The following KCNH5 variants were observed in gnomAD, a reference collection of about 807,000 sequenced individuals.
KCNH5 encodes the protein voltage-gated delayed rectifier potassium channel KCNH5.
KCNH5 carries 46 observed loss-of-function variants against 96.1 expected under a neutral mutation model. The ratio of observed to expected loss-of-function variants is 0.48; its 90% CI spans 0.38 to 0.61. KCNH5 has a LOEUF of 0.61. Among genes scored for constraint, KCNH5 ranks in the 20% least tolerant of loss-of-function variants. The pLI is 0.00. For synonymous variants in KCNH5, 439 were observed against 449.8 expected, an observed-to-expected ratio of 0.98 and a Z score of 0.30; for missense variants, 907 against 1,225.8, an observed-to-expected ratio of 0.74 and a Z score of 3.88.
chr14:62,858,373 T>A (rs1270250493), intron 7 of KCNH5, among the ~76,000 whole-genome samples: 1 of 152,212 alleles, frequency 6.6e-6, no homozygotes, highest in Non-Finnish European at 1.5e-5. Flanking sequence ...TTGACCTTAA[T>A]CACAGGGCAT....
intron 8 of KCNH5, among the ~76,000 whole-genome samples, chr14:62,804,519 G>A (rs1441743100): frequency 6.6e-5 from 10 of 152,134 alleles, no homozygotes; most frequent in South Asian, 2.1e-4. Flanking sequence ...GGAGGTGGGC[G>A]TGTAAAGGGA....
In KCNH5 at chr14:62,781,542, C is replaced by CG. The variant is rs1566658586; in HGVS notation, c.1823-1619dup. 2.6e-5 allele frequency among the ~76,000 whole-genome samples: 4 copies of CG among 152,212 alleles called. No homozygotes were observed. In the East Asian group the frequency reaches 5.8e-4, roughly 22 times the overall value. ...GACCGTAAGAGACGGCCACGCCCGG[C>CG]GGGGGGTGGGGGGCAGTTTAGAGAC... is the stretch of plus-strand genomic sequence containing the variant. On this transcript the variant is annotated intron_variant, in intron 9 of 10. Coordinates refer to ENST00000322893, the MANE Select transcript of KCNH5 (RefSeq NM_139318.5).
In KCNH5 at chr14:62,703,929, A is replaced by G. The variant is rs1884385868; in HGVS notation, c.*3579T>C. Reference sequence around the variant, plus strand: ...AATATCTGCCACTGCACACTTCAAAACAGTCACTGCTCTGAAGGCTAATAT... The same window carrying G: ...AATATCTGCCACTGCACACTTCAAAGCAGTCACTGCTCTGAAGGCTAATAT... On this transcript the variant is annotated 3_prime_UTR_variant, in exon 11 of 11. Transcript: ENST00000322893. 2 of 151,876 alleles carry G rather than the reference A, an allele frequency of 1.3e-5. No homozygotes were observed. The highest frequency in any genetic ancestry group is 1.3e-4 in the Admixed American group (2 of 15,244). The allele number at this position is 151,876 out of a possible 1,614,324, so 9.4% of individuals were successfully genotyped here.
intron 8 of KCNH5, among the ~76,000 whole-genome samples, chr14:62,812,760 T>G (rs1886898264): frequency 6.6e-6 from 1 of 152,016 alleles, no homozygotes; most frequent in Non-Finnish European, 1.5e-5. Flanking sequence ...AAAATAAAAA[T>G]CATAGAGGAA....
chr14:63,001,871 G>C (rs1891017324), intron 3 of KCNH5, among the ~76,000 whole-genome samples: 2 of 152,122 alleles, frequency 1.3e-5, no homozygotes, highest in South Asian at 4.1e-4. Flanking sequence ...ATGTCACTTT[G>C]ACAAGTGTTT....
At chr14:63,044,605 C>T (rs1421868449) in intron 1 of KCNH5, among the ~76,000 whole-genome samples, 1 of 152,194 alleles carries the variant, frequency 6.6e-6, no homozygotes, top group Non-Finnish European at 1.5e-5. Context: ...CTCAACTACT[C>T]TCCCCGGCAC....
chr14:62,840,553 T>TTTTTCTTTTC (rs1468734058), intron 8 of KCNH5, among the ~76,000 whole-genome samples: 1 of 135,348 alleles, frequency 7.4e-6, no homozygotes, highest in Non-Finnish European at 1.6e-5. Context: ...TGTTTTTCTT[T>TTTTTCTTTTC]TTTCTTTTTT....
chr14:62,709,996 A>G (rs1265609091), intron 10 of KCNH5, among the ~76,000 whole-genome samples: 2 of 152,200 alleles, frequency 1.3e-5, no homozygotes, highest in African/African-American at 2.4e-5. Context: ...TCTCTAACCC[A>G]TAACAGACAC....
At chr14:62,996,659 T>C (rs983954089) in intron 4 of KCNH5, among the ~76,000 whole-genome samples, 2 of 152,192 alleles carry the variant, frequency 1.3e-5, no homozygotes, top group African/African-American at 4.8e-5. Flanking sequence ...AAGTCAACAC[T>C]TCAACATCAG....
chr14:62,816,782 A>C (rs1269818628), intron 8 of KCNH5, among the ~76,000 whole-genome samples: 32 of 151,932 alleles, frequency 2.1e-4, no homozygotes, highest in Middle Eastern at 6.8e-3. Flanking sequence ...AGCTGATAGG[A>C]TGCTGGCTAT....
intron 10 of KCNH5, among the ~76,000 whole-genome samples, chr14:62,731,492 G>T (rs1885050059): frequency 6.6e-6 from 1 of 151,900 alleles, no homozygotes; most frequent in East Asian, 1.9e-4. Flanking sequence ...ACTGTTGATG[G>T]TTTACACCTG....
chr14:62,880,101 G>A (rs1888462442), intron 7 of KCNH5, among the ~76,000 whole-genome samples: 1 of 152,274 alleles, frequency 6.6e-6, no homozygotes, highest in Admixed American at 6.5e-5. Context: ...GTGACTATAT[G>A]TGGGAGACAC....
intron 4 of KCNH5, among the ~76,000 whole-genome samples, chr14:62,997,012 G>C (rs17100617): frequency 0.053 from 8,130 of 152,180 alleles, 282 homozygotes; most frequent in African/African-American, 0.089. Flanking sequence ...TTAAGATATA[G>C]ACCATTGTTA....
At chr14:62,930,331 G>A (rs570715687) in intron 7 of KCNH5, among the ~76,000 whole-genome samples, 2 of 152,128 alleles carry the variant, frequency 1.3e-5, no homozygotes, top group East Asian at 3.9e-4. Flanking sequence ...ATTTCTGTAG[G>A]CAAAGTTCTA....
At position 62,956,591 on chromosome 14, in the gene KCNH5, A is replaced by G. The variant is rs559147679; in HGVS notation, c.943-6032T>C. ...CATTTCACCACAGTACATGATTCAG[A>G]TTAATAATTTCTTACTCATCCCATG... On this transcript the variant is annotated intron_variant, in intron 6 of 10. Transcript: ENST00000322893. 4.6e-5 allele frequency among the ~76,000 whole-genome samples: 6 copies of G among 129,722 alleles called. No homozygotes were observed. In the East Asian group the frequency reaches 1.4e-3, roughly 31 times the overall value. 85.1% of individuals were successfully genotyped at this position (129,722 alleles called of 152,430 possible).
Position 62,703,512 on chromosome 14 carries a change from G to C in KCNH5, c.*3996C>G, listed in dbSNP as rs948316209. The C allele has an allele frequency of 6.6e-6, 1 of 151,726 alleles. No individual in the cohort carries two copies. The highest frequency in any genetic ancestry group is 1.5e-5 in the Non-Finnish European group (1 of 67,718). 9.4% of individuals were successfully genotyped at this position (151,726 alleles called of 1,614,324 possible). ...TATCTTTGTTTTCTTATTTATTGGC[G>C]GGGAAATGGTACCATTTGGTACACT... On this transcript the variant is annotated 3_prime_UTR_variant, in exon 11 of 11. Transcript: ENST00000322893.
At chr14:63,001,228 T>C (rs1594668472) in intron 4 of KCNH5, 103 bp downstream of exon 4, 3 of 958,726 alleles carry the variant, frequency 3.1e-6, no homozygotes, top group East Asian at 5.6e-5. Context: ...AAAGGCCACA[T>C]AGTAGAATTT....
chr14:62,766,824 A>C (rs1357031702), intron 10 of KCNH5, among the ~76,000 whole-genome samples: 1 of 152,162 alleles, frequency 6.6e-6, no homozygotes, highest in Non-Finnish European at 1.5e-5. Flanking sequence ...AATAACTAAA[A>C]GAGTGTAACT....
intron 1 of KCNH5, among the ~76,000 whole-genome samples, chr14:63,019,757 A>C (rs573174129): frequency 7.9e-5 from 12 of 152,092 alleles, no homozygotes; most frequent in Non-Finnish European, 1.6e-4. Flanking sequence ...AAATCTTTGC[A>C]ATCATGAGGA....
Sources: gnomAD v4.1 joint callset for allele counts (sites outside exome capture counted in the v4.1 genomes callset) on GRCh38, gnomAD v4.1.1 for gene constraint, MANE v1.5 for transcripts, NCBI Gene and HGNC (gene_info 2026-07-23, HGNC 2026-07-21) for gene names.